LUZP2: variants seen among roughly 807,000 people sequenced by gnomAD.
LUZP2 encodes leucine zipper protein 2.
A neutral mutation model predicts 51.6 loss-of-function variants in LUZP2; 52 were observed. The observed-to-expected ratio is 1.01, with a 90% CI of 0.81 to 1.27. The LOEUF (loss-of-function observed/expected upper bound fraction) is 1.27, where lower values mean the gene tolerates loss of function less well. Ranked by LOEUF, LUZP2 falls within the 50% of genes most tolerant of loss-of-function variation. LUZP2 has a pLI of 0.00. For missense variants in LUZP2, 436 were observed against 395.4 expected (o/e 1.10, Z -0.87); for synonymous variants, 154 against 137.3 (o/e 1.12, Z -0.85).
At chr11:24,881,798 T>C (rs150829804) in intron 5 of LUZP2, among the ~76,000 whole-genome samples, 26 of 152,198 alleles carry the variant, frequency 1.7e-4, no homozygotes, top group Middle Eastern at 3.4e-3. Flanking sequence ...TTTTATAAAA[T>C]TTTTATGAAG....
intron 7 of LUZP2, among the ~76,000 whole-genome samples, chr11:24,963,399 G>T (rs2133883998): frequency 6.6e-6 from 1 of 152,304 alleles, no homozygotes; most frequent in African/African-American, 2.4e-5. Flanking sequence ...AGGCCTCCTT[G>T]AGCTGTGGTG....
intron 9 of LUZP2, among the ~76,000 whole-genome samples, chr11:25,029,819 A>G (rs1287074655): frequency 1.3e-5 from 2 of 151,696 alleles, no homozygotes; most frequent in Admixed American, 1.3e-4. Context: ...AATTTGCTTT[A>G]CATATACACA....
At chr11:24,665,740 G>A (rs752428151) in intron 1 of LUZP2, among the ~76,000 whole-genome samples, 8 of 152,098 alleles carry the variant, frequency 5.3e-5, no homozygotes, top group South Asian at 4.2e-4. Context: ...TGATTGCTTC[G>A]CCTTCTGCCA....
At chr11:24,735,137 T>C (rs919313837) in intron 3 of LUZP2, among the ~76,000 whole-genome samples, 3 of 151,882 alleles carry the variant, frequency 2.0e-5, no homozygotes, top group Admixed American at 6.6e-5. Context: ...CATACAACTA[T>C]GTGGAGAGAA....
At chr11:25,025,960 G>A (rs1317404795) in intron 9 of LUZP2, among the ~76,000 whole-genome samples, 1 of 152,114 alleles carries the variant, frequency 6.6e-6, no homozygotes, top group Non-Finnish European at 1.5e-5. Flanking sequence ...ATTCTATGCA[G>A]CCATAGAAAG....
At position 24,974,771 on chromosome 11, in the gene LUZP2, A is replaced by C. The variant is rs561474891; in HGVS notation, c.523-1820A>C. 3.6e-5 allele frequency among the ~76,000 whole-genome samples: 4 copies of C among 110,284 alleles called. No individual in the cohort carries two copies. In the East Asian group the frequency reaches 1.2e-3, roughly 32 times the overall value. The allele number at this position is 110,284 out of a possible 152,430, so 72.4% of individuals were successfully genotyped here. A position where few individuals can be genotyped will look rare whatever the true frequency, so the allele number is the denominator to read the frequency against. ...TGGAATTTTAAAGACCTTACAATATAGATAAACTTAGCACTTTCGAGGTAA... is the reference window on the plus strand; with the variant it reads ...TGGAATTTTAAAGACCTTACAATATCGATAAACTTAGCACTTTCGAGGTAA... On this transcript the variant is annotated intron_variant, in intron 7 of 11. Transcript: ENST00000336930.
At chr11:24,969,313 CT>C (rs1211265060) in intron 7 of LUZP2, among the ~76,000 whole-genome samples, 1 of 152,010 alleles carries the variant, frequency 6.6e-6, no homozygotes, top group East Asian at 1.9e-4. Context: ...CCTAATCCTT[CT>C]TTAAATATCA....
intron 1 of LUZP2, among the ~76,000 whole-genome samples, chr11:24,501,451 T>C (rs1849990136): frequency 6.6e-6 from 1 of 152,180 alleles, no homozygotes. Flanking sequence ...CTGAAACCAA[T>C]GAGGAATGCG....
chr11:24,552,923 A>G (rs1233164069), intron 1 of LUZP2, among the ~76,000 whole-genome samples: 1 of 151,298 alleles, frequency 6.6e-6, no homozygotes, highest in African/African-American at 2.4e-5. Context: ...ATTTTAAATT[A>G]TAAATAAATA....
At chr11:24,942,876 T>C (rs192330984) in intron 7 of LUZP2, among the ~76,000 whole-genome samples, 71 of 152,272 alleles carry the variant, frequency 4.7e-4, no homozygotes, top group Non-Finnish European at 7.1e-4. Context: ...ACATCTATGA[T>C]TTACCTGAAT....
chr11:24,965,838 A>G (rs1365784494), intron 7 of LUZP2, among the ~76,000 whole-genome samples: 4 of 151,810 alleles, frequency 2.6e-5, no homozygotes, highest in African/African-American at 7.2e-5. Flanking sequence ...GTCTATTACT[A>G]TAGATAGCAC....
At chr11:24,662,801 T>G (rs2133985305) in intron 1 of LUZP2, among the ~76,000 whole-genome samples, 1 of 152,212 alleles carries the variant, frequency 6.6e-6, no homozygotes, top group African/African-American at 2.4e-5. Flanking sequence ...TAATTAAAAT[T>G]ATTTGTCAAA....
intron 1 of LUZP2, among the ~76,000 whole-genome samples, chr11:24,629,851 C>T (rs1011126295): frequency 5.3e-5 from 8 of 151,816 alleles, no homozygotes; most frequent in Non-Finnish European, 8.8e-5. Context: ...TCCTCACTAA[C>T]GTCTGTTATC....
At chr11:24,570,902 T>A (rs1852418131) in intron 1 of LUZP2, among the ~76,000 whole-genome samples, 1 of 152,102 alleles carries the variant, frequency 6.6e-6, no homozygotes, top group South Asian at 2.1e-4. Context: ...TTATCTGAAA[T>A]CATACAGCTA....
intron 5 of LUZP2, among the ~76,000 whole-genome samples, chr11:24,843,085 A>G (rs1362584284): frequency 6.6e-6 from 1 of 151,906 alleles, no homozygotes; most frequent in East Asian, 1.9e-4. Flanking sequence ...TATTTAAAAT[A>G]AAAAACAAGA....
chr11:24,834,946 T>G (rs1850816900), intron 5 of LUZP2, among the ~76,000 whole-genome samples: 1 of 152,152 alleles, frequency 6.6e-6, no homozygotes, highest in African/African-American at 2.4e-5. Context: ...GGTTGTTTGT[T>G]TTTTTTCTTA....
intron 1 of LUZP2, among the ~76,000 whole-genome samples, chr11:24,672,323 T>G (rs1420712023): frequency 1.3e-5 from 2 of 152,164 alleles, no homozygotes; most frequent in Admixed American, 6.6e-5. Context: ...ATACTTAAAA[T>G]TGTAATTTTT....
intron 1 of LUZP2, among the ~76,000 whole-genome samples, chr11:24,505,991 C>T (rs1308791919): frequency 1.3e-5 from 2 of 152,032 alleles, no homozygotes; most frequent in Non-Finnish European, 2.9e-5. Flanking sequence ...TTCAAGATTA[C>T]CTACAGGTGG....
At chr11:24,803,720 C>G (rs1849764647) in intron 5 of LUZP2, among the ~76,000 whole-genome samples, 1 of 151,970 alleles carries the variant, frequency 6.6e-6, no homozygotes, top group Non-Finnish European at 1.5e-5. Flanking sequence ...GTTAAATAAG[C>G]CAGTTATGAA....
Sources: gnomAD v4.1 joint callset for allele counts (sites outside exome capture counted in the v4.1 genomes callset) on GRCh38, gnomAD v4.1.1 for gene constraint, MANE v1.5 for transcripts, NCBI Gene and HGNC (gene_info 2026-07-23, HGNC 2026-07-21) for gene names.